Variants in RSPO2 observed in about 807,000 individuals in gnomAD.
RSPO2 encodes the protein R-spondin-2.
A neutral mutation model predicts 30.9 loss-of-function variants in RSPO2; 14 were observed. The ratio of observed to expected loss-of-function variants is 0.45; its 90% CI spans 0.30 to 0.71. RSPO2 has a LOEUF of 0.71. Ranked by LOEUF, RSPO2 falls within the 30% of genes least tolerant of loss-of-function variation. The probability of loss-of-function intolerance (pLI) is 0.08; values close to 1 mark genes in which losing one functional copy is unlikely to be tolerated. For missense variants in RSPO2, 264 were observed against 301.9 expected (o/e 0.87, Z 0.93); for synonymous variants, 107 against 96.4 (o/e 1.11, Z -0.64).
intron 5 of RSPO2, among the ~76,000 whole-genome samples, chr8:107,931,959 TAC>T (rs1481747539): frequency 5.3e-5 from 8 of 152,202 alleles, no homozygotes; most frequent in Non-Finnish European, 1.0e-4. Context: ...CCTGAAAATT[TAC>T]AGTCAAGTGA....
chr8:108,054,996 C>CT (rs1483699361), intron 2 of RSPO2, among the ~76,000 whole-genome samples: 1 of 152,128 alleles, frequency 6.6e-6, no homozygotes, highest in Non-Finnish European at 1.5e-5. Context: ...TGGTGCGTGC[C>CT]TGTAGTCCCA....
intron 3 of RSPO2, among the ~76,000 whole-genome samples, chr8:107,964,568 C>T (rs1813735770): frequency 6.6e-6 from 1 of 152,098 alleles, no homozygotes; most frequent in Non-Finnish European, 1.5e-5. Flanking sequence ...CACCACAAGC[C>T]ACCTAATCCA....
intron 5 of RSPO2, among the ~76,000 whole-genome samples, chr8:107,917,769 T>C (rs191854261): frequency 2.6e-5 from 4 of 152,278 alleles, no homozygotes; most frequent in Admixed American, 2.0e-4. Context: ...TATGTGGAAC[T>C]CCCATAATTC....
At chr8:107,946,736 G>A (rs1414862560) in intron 5 of RSPO2, among the ~76,000 whole-genome samples, 1 of 152,150 alleles carries the variant, frequency 6.6e-6, no homozygotes, top group Non-Finnish European at 1.5e-5. Context: ...ATCTTATTGA[G>A]ATTACATGTC....
chr8:108,067,335 A>C (rs971339557), intron 2 of RSPO2, among the ~76,000 whole-genome samples: 2 of 152,230 alleles, frequency 1.3e-5, no homozygotes, highest in Admixed American at 6.5e-5. Context: ...CAGGTAGATT[A>C]ATGACATTGA....
At chr8:108,017,796 C>T (rs375085243) in intron 2 of RSPO2, among the ~76,000 whole-genome samples, 2 of 152,086 alleles carry the variant, frequency 1.3e-5, no homozygotes, top group Non-Finnish European at 2.9e-5. Context: ...AAAATTTCAA[C>T]CTTATGGAAA....
chr8:108,082,799 G>A lies in RSPO2; in HGVS notation c.-161C>T, dbSNP rs1265106595. 16 of 581,366 alleles carry A rather than the reference G, an allele frequency of 2.8e-5. No homozygotes were observed. In the Admixed American group the frequency reaches 3.7e-4, roughly 13 times the overall value. The allele number at this position is 581,366 out of a possible 1,614,324, so 36.0% of individuals were successfully genotyped here. ...AGTTCAGCGCGATCAGCATCTCTCC[G>A]CCACGAACCTGAGAGACAAGAAGCG... On this transcript the variant is annotated 5_prime_UTR_variant, in exon 2 of 6. Transcript: ENST00000276659.
At chr8:107,958,686 C>T (rs1244455097) in intron 4 of RSPO2, among the ~76,000 whole-genome samples, 3 of 152,138 alleles carry the variant, frequency 2.0e-5, no homozygotes, top group Non-Finnish European at 4.4e-5. Context: ...TCCTGATGCT[C>T]TCCCTCCCCG....
intron 2 of RSPO2, among the ~76,000 whole-genome samples, chr8:108,051,443 T>G (rs1812077116): frequency 6.6e-6 from 1 of 152,168 alleles, no homozygotes; most frequent in Non-Finnish European, 1.5e-5. Context: ...TTCTGCAGTG[T>G]CAGAAGATGT....
chr8:108,053,156 A>T (rs1284590609), intron 2 of RSPO2, among the ~76,000 whole-genome samples: 2 of 152,006 alleles, frequency 1.3e-5, no homozygotes, highest in Non-Finnish European at 2.9e-5. Context: ...ACCTGCTGCC[A>T]CTCCACAATC....
intron 2 of RSPO2, among the ~76,000 whole-genome samples, chr8:108,063,586 C>A (rs550981209): frequency 3.3e-5 from 5 of 151,740 alleles, no homozygotes; most frequent in African/African-American, 4.9e-5. Context: ...GAATCAATAT[C>A]ATGAAAATGG....
chr8:108,080,074 T>G (rs946149765), intron 2 of RSPO2, among the ~76,000 whole-genome samples: 5 of 152,194 alleles, frequency 3.3e-5, no homozygotes, highest in Non-Finnish European at 5.9e-5. Flanking sequence ...TAAAACCAGC[T>G]TAAGTTTGTG....
intron 5 of RSPO2, among the ~76,000 whole-genome samples, chr8:107,926,256 T>C (rs1264918013): frequency 1.3e-5 from 2 of 152,084 alleles, no homozygotes; most frequent in African/African-American, 4.8e-5. Context: ...GGGGTTGTTT[T>C]TTTCTTGTAA....
intron 2 of RSPO2, among the ~76,000 whole-genome samples, chr8:108,062,954 A>C (rs1055582682): frequency 6.6e-6 from 1 of 151,936 alleles, no homozygotes; most frequent in African/African-American, 2.4e-5. Context: ...CAATAGATGC[A>C]GAAAAGGACT....
intron 5 of RSPO2, among the ~76,000 whole-genome samples, chr8:107,938,147 T>A (rs2130366633): frequency 6.6e-6 from 1 of 152,224 alleles, no homozygotes; most frequent in Admixed American, 6.5e-5. Context: ...AAGCTAAAAA[T>A]TTTAGTTTTG....
intron 2 of RSPO2, among the ~76,000 whole-genome samples, chr8:107,991,230 G>A (rs112456971): frequency 0.028 from 4,090 of 146,944 alleles, 150 homozygotes; most frequent in African/African-American, 0.085. Context: ...CTGGGCAACA[G>A]GAGTGAAACT....
chr8:107,948,866 A>ATAAAAAAAT (rs55680371), intron 5 of RSPO2, among the ~76,000 whole-genome samples: 1 of 145,888 alleles, frequency 6.9e-6, no homozygotes. Context: ...TCTCAAAAAA[A>ATAAAAAAAT]AAATAAATAA....
chr8:108,080,608 C>G (rs1433962267), intron 2 of RSPO2, among the ~76,000 whole-genome samples: 1 of 152,104 alleles, frequency 6.6e-6, no homozygotes, highest in East Asian at 1.9e-4. Flanking sequence ...ATGCAGTATC[C>G]CTTCTGGCCG....
chr8:107,929,489 C>T (rs1249895685), intron 5 of RSPO2, among the ~76,000 whole-genome samples: 1 of 152,122 alleles, frequency 6.6e-6, no homozygotes, highest in Admixed American at 6.6e-5. Flanking sequence ...ACTCGCATAA[C>T]AGCACCCAAG....
Sources: gnomAD v4.1 joint callset for allele counts (sites outside exome capture counted in the v4.1 genomes callset) on GRCh38, gnomAD v4.1.1 for gene constraint, MANE v1.5 for transcripts, NCBI Gene and HGNC (gene_info 2026-07-23, HGNC 2026-07-21) for gene names.